Variants in TRPM1 observed in about 807,000 individuals in gnomAD.
TRPM1 encodes transient receptor potential cation channel subfamily M member 1, also known as TRPM1-203 APA Isoform, Intron 10.
In TRPM1, 113 loss-of-function variants were observed where a neutral mutation model predicts 149.4. That is an observed-to-expected ratio of 0.76 (90% confidence interval 0.65 to 0.88). The LOEUF (loss-of-function observed/expected upper bound fraction) is 0.88, where lower values mean the gene tolerates loss of function less well. Among genes scored for constraint, TRPM1 ranks in the 40% least tolerant of loss-of-function variants. The pLI is 0.00. For synonymous variants in TRPM1, 741 were observed against 759.5 expected (o/e 0.98, Z 0.40); for missense variants, 1,976 against 2,038.7 (o/e 0.97, Z 0.59).
intron 19 of TRPM1, 78 bp downstream of exon 19, chr15:31,037,966 A>G: frequency 6.2e-7 from 1 of 1,611,368 alleles, no homozygotes; most frequent in East Asian, 2.2e-5. Flanking sequence ...GAGATTTCTC[A>G]ATCTGTGGTA....
chr15:31,127,274 T>C (rs1398138907), intron 1 of TRPM1, among the ~76,000 whole-genome samples: 2 of 152,214 alleles, frequency 1.3e-5, no homozygotes, highest in Admixed American at 6.5e-5. Context: ...TCTCTGCTAC[T>C]TGGGGCCTCT....
chr15:31,035,164 C>T lies in TRPM1; in HGVS notation c.2700+382G>A, dbSNP rs547211733. Among the ~76,000 whole-genome samples, 18 of 152,298 alleles carry T rather than the reference C, an allele frequency of 1.2e-4. No homozygotes were observed. In the East Asian group the frequency reaches 2.1e-3, roughly 18 times the overall value. On this transcript the variant is annotated intron_variant, in intron 21 of 27. Coordinates refer to ENST00000256552, the MANE Select transcript of TRPM1 (RefSeq NM_001252024.2). ...AAATTACAGGCAACTGCCACACGACCGGCTAATTTTTGTATTTTTAGTTGA... is the reference window on the plus strand; with the variant it reads ...AAATTACAGGCAACTGCCACACGACTGGCTAATTTTTGTATTTTTAGTTGA...
chr15:31,117,540 T>C (rs1462079984), intron 1 of TRPM1, among the ~76,000 whole-genome samples: 1 of 150,816 alleles, frequency 6.6e-6, no homozygotes, highest in Non-Finnish European at 1.5e-5. Flanking sequence ...CCCAGCTATC[T>C]GGGAGGCTGA....
intron 4 of TRPM1, chr15:31,069,812 TTACG>T: frequency 6.7e-7 from 1 of 1,494,300 alleles, no homozygotes; most frequent in Non-Finnish European, 8.8e-7. Context: ...TGGTATGGAT[TTACG>T]GGACACTAGA....
At chr15:31,010,593 TTTG>T (rs1427673057) in intron 27 of TRPM1, among the ~76,000 whole-genome samples, 2 of 152,214 alleles carry the variant, frequency 1.3e-5, no homozygotes, top group African/African-American at 4.8e-5. Context: ...CAAATTTTCA[TTTG>T]TTATTAATTT....
chr15:31,122,142 T>G (rs923905293), intron 1 of TRPM1, among the ~76,000 whole-genome samples: 2 of 152,102 alleles, frequency 1.3e-5, no homozygotes, highest in African/African-American at 2.4e-5. Flanking sequence ...CTGTATATAA[T>G]AAAAACTCTC....
chr15:31,035,685 GAC>G lies in TRPM1; in HGVS notation c.2572-13_2572-12del. 1 of 1,614,202 alleles carries G rather than the reference GAC, an allele frequency of 6.2e-7. No homozygotes were observed. Among genetic ancestry groups the G allele is most frequent in the South Asian group, 1.1e-5 (1 of 91,086 alleles). ...GCCCAAGTATGATATCTGAAAGAAAGACAAGCTGTTAGCCGTGTTTGGGGGAA... is the reference window on the plus strand; with the variant it reads ...GCCCAAGTATGATATCTGAAAGAAAGAAGCTGTTAGCCGTGTTTGGGGGAA... On this transcript the variant is annotated splice_polypyrimidine_tract_variant and intron_variant, in intron 20 of 27. Coordinates refer to ENST00000256552, the MANE Select transcript of TRPM1 (RefSeq NM_001252024.2).
At position 31,092,742 on chromosome 15, in the gene TRPM1, C is replaced by T. The variant is rs79473216; in HGVS notation, c.-84+8915G>A. On this transcript the variant is annotated intron_variant, in intron 1 of 27. Coordinates refer to ENST00000256552, the MANE Select transcript of TRPM1 (RefSeq NM_001252024.2). The stretch of plus-strand genomic sequence containing the variant: ...ACACAGAGCCGTCTAGATGCCCAGC[C>T]GCGGTAGCATGTACAAGTACATTGC... Among the ~76,000 whole-genome samples the T allele has an allele frequency of 9.2e-3, 1,400 of 152,234 alleles. 21 individuals carry two copies. Among genetic ancestry groups the T allele is most frequent in the African/African-American group, 0.031 (1,284 of 41,536 alleles).
At chr15:31,097,215 AG>A (rs1185335386) in intron 1 of TRPM1, among the ~76,000 whole-genome samples, 1 of 152,058 alleles carries the variant, frequency 6.6e-6, no homozygotes, top group East Asian at 1.9e-4. Flanking sequence ...CAGTGGGAGC[AG>A]GTAGCTGTCA....
intron 2 of TRPM1, among the ~76,000 whole-genome samples, chr15:31,081,071 G>T (rs1259218665): frequency 2.6e-5 from 4 of 151,912 alleles, no homozygotes; most frequent in Non-Finnish European, 5.9e-5. Flanking sequence ...CCCCCTTATC[G>T]TGCCAATGAA....
chr15:31,031,874 T>G (rs1040085767), intron 22 of TRPM1, among the ~76,000 whole-genome samples: 18 of 152,182 alleles, frequency 1.2e-4, no homozygotes, highest in African/African-American at 4.3e-4. Context: ...TCTAATCACA[T>G]GGACTTCCTG....
intron 27 of TRPM1, 51 bp from the exon 28 acceptor site, chr15:31,003,121 A>G: frequency 6.7e-7 from 1 of 1,497,550 alleles, no homozygotes. Flanking sequence ...AGTGGATATT[A>G]AAAATCAAAA....
At chr15:31,077,351 A>AG (rs1691428777) in intron 2 of TRPM1, among the ~76,000 whole-genome samples, 1 of 152,054 alleles carries the variant, frequency 6.6e-6, no homozygotes, top group Admixed American at 6.6e-5. Context: ...GGCCACCTGG[A>AG]GCAGAAGGAG....
chr15:31,001,906 T>C lies in TRPM1; in HGVS notation c.4794A>G (p.Val1598=), dbSNP rs779500858. The change falls in exon 28 of 28, where the codon GTA becomes GTG. Residue 1598 remains valine (V), a synonymous_variant. Coordinates refer to ENST00000256552, the MANE Select transcript of TRPM1 (RefSeq NM_001252024.2). The part of the protein sequence containing the change: ...KLDRSGHASS[V]SSLVIVSGMT... ...TTCCAGACACAATTACTAAGCTGCT[T>C]ACACTACTGGCATGTCCAGATCTGT... The C allele has an allele frequency of 2.5e-6, 4 of 1,614,034 alleles. No homozygotes were observed. The East Asian group carries it at 8.9e-5, about 36-fold the overall frequency.
Position 31,066,116 on chromosome 15 carries a change from C to A in TRPM1, c.750G>T (p.Arg250Ser), listed in dbSNP as rs760170518. ...GKYGAEVKLR[R>S]LLEKHISLQK... Reference sequence around the variant, plus strand: ...GCAGGGAGATGTGCTTTTCCAGCAGCCTTCGCAGCTTCACCTCGGCGCCAT... The same window carrying A: ...GCAGGGAGATGTGCTTTTCCAGCAGACTTCGCAGCTTCACCTCGGCGCCAT... Residue 250 changes from arginine (R) to serine (S), a missense_variant, in exon 7 of 28, where the codon AGG (arginine) becomes AGT (serine). Transcript: ENST00000256552. 3.7e-6 allele frequency: 6 copies of A among 1,614,060 alleles called. No homozygotes were observed. In the African/African-American group the frequency reaches 4.0e-5, roughly 11 times the overall value.
At chr15:31,125,194 C>CA (rs60911781) in intron 1 of TRPM1, among the ~76,000 whole-genome samples, 84,110 of 151,664 alleles carry the variant, frequency 0.55, 24,441 homozygotes, top group African/African-American at 0.69. Flanking sequence ...CAAAACAAAA[C>CA]AAAAAACAAA....
intron 16 of TRPM1, among the ~76,000 whole-genome samples, chr15:31,045,233 C>T (rs559633694): frequency 1.3e-5 from 2 of 152,314 alleles, no homozygotes; most frequent in South Asian, 2.1e-4. Context: ...TGCTGTTTAG[C>T]TCATAAATTT....
chr15:31,043,001 C>G lies in TRPM1; in HGVS notation c.1795-758G>C, dbSNP rs536039748. Among the ~76,000 whole-genome samples the G allele has an allele frequency of 4.6e-5, 7 of 152,316 alleles. No homozygotes were observed. In the East Asian group the frequency reaches 1.3e-3, roughly 29 times the overall value. On this transcript the variant is annotated intron_variant, in intron 16 of 27. Coordinates refer to ENST00000256552, the MANE Select transcript of TRPM1 (RefSeq NM_001252024.2). ...TGCAAACAGCGTTCCCATCAGTTAT[C>G]TTCTTTTATTCTTACAAGGACTCTG...
Position 31,026,183 on chromosome 15 carries a change from C to T in TRPM1, c.3585G>A (p.Glu1195=), listed in dbSNP as rs537540501. Reference sequence around the variant, plus strand: ...TGCGCTCGTCGCTGGACGACTGCTGCTCATCCTCCTTCTCCCGGAAGTGCT... The same window carrying T: ...TGCGCTCGTCGCTGGACGACTGCTGTTCATCCTCCTTCTCCCGGAAGTGCT... ...VQEHFREKED[E]QQSSSDERIR... Residue 1195 remains glutamate, a synonymous_variant, in exon 27 of 28, where the codon GAG becomes GAA. Transcript: ENST00000256552. The T allele has an allele frequency of 2.2e-5, 35 of 1,612,422 alleles. 1 individual carries two copies. The South Asian group carries it at 3.7e-4, about 17-fold the overall frequency.
Sources: gnomAD v4.1 joint callset for allele counts (sites outside exome capture counted in the v4.1 genomes callset) on GRCh38, gnomAD v4.1.1 for gene constraint, MANE v1.5 for transcripts, NCBI Gene and HGNC (gene_info 2026-07-23, HGNC 2026-07-21) for gene names.